SMIM7: variants seen among roughly 807,000 people sequenced by gnomAD.
The protein encoded by SMIM7 is small integral membrane protein 7, also known as UPF0608 protein C19orf42.
In SMIM7, 12 loss-of-function variants were observed where a neutral mutation model predicts 13.3. The ratio of observed to expected loss-of-function variants is 0.90; its 90% confidence interval spans 0.58 to 1.46. The LOEUF (loss-of-function observed/expected upper bound fraction) is 1.46, where lower values mean the gene tolerates loss of function less well. Ranked by LOEUF, SMIM7 falls within the 40% of genes most tolerant of loss-of-function variation. SMIM7 has a pLI of 0.00. For missense variants in SMIM7, 114 were observed against 94.8 expected (o/e 1.20, Z -0.84); for synonymous variants, 36 against 35.8 (o/e 1.01, Z -0.02).
At chr19:16,654,167 C>G in intron 3 of SMIM7, 42 bp from the exon 4 acceptor site, 2 of 1,534,370 alleles carry the variant, frequency 1.3e-6, no homozygotes, top group Non-Finnish European at 1.8e-6. Context: ...AGCTAACATC[C>G]CATCCCTACT....
Position 16,647,180 on chromosome 19 carries a change from A to G in SMIM7, c.*66T>C. 1 of 1,601,504 alleles carries G rather than the reference A, an allele frequency of 6.2e-7. No homozygotes were observed. Among genetic ancestry groups the G allele is most frequent in the Non-Finnish European group, 8.6e-7 (1 of 1,169,090 alleles). On this transcript the variant is annotated 3_prime_UTR_variant, in exon 5 of 5. Coordinates refer to ENST00000487416, the MANE Select transcript of SMIM7 (RefSeq NM_024104.4). ...TCTGGTCAAAAACATTCTTGAAGTC[A>G]TCAGGAATGGAGGAATGGAGACTCG...
downstream of SMIM7, chr19:16,645,638 T>G (rs1328948007): frequency 6.7e-6 from 1 of 150,188 alleles, no homozygotes; most frequent in Non-Finnish European, 1.5e-5. Context: ...GCAGCTCCAG[T>G]CAAAATTCCA....
At position 16,647,461 on chromosome 19, in the gene SMIM7, CT is replaced by C. The variant is rs879901540; in HGVS notation, c.213-201del. Among the ~76,000 whole-genome samples, 407 of 142,102 alleles carry C rather than the reference CT, an allele frequency of 2.9e-3. 2 individuals carry two copies. Among genetic ancestry groups the C allele is most frequent in the Middle Eastern group, 7.2e-3 (2 of 276 alleles). 93.2% of individuals were successfully genotyped at this position (142,102 alleles called of 152,430 possible). A position where few individuals can be genotyped will look rare whatever the true frequency, so the allele number is the denominator to read the frequency against. ...TACACAGTTAAAAGAAGAATATACT[CT>C]TTTTTTTTTTTTAGACAGAGTCTGG... On this transcript the variant is annotated intron_variant, in intron 4 of 4. Coordinates refer to ENST00000487416, the MANE Select transcript of SMIM7 (RefSeq NM_024104.4).
chr19:16,659,394 C>T lies in SMIM7; in HGVS notation c.121+1G>A, dbSNP rs1319077271. 6.2e-7 allele frequency: 1 copy of T among 1,613,772 alleles called. No homozygotes were observed. The highest frequency in any genetic ancestry group is 1.7e-5 in the Admixed American group (1 of 59,978). On this transcript the variant is annotated splice_donor_variant, in intron 3 of 4. Coordinates refer to ENST00000487416, the MANE Select transcript of SMIM7 (RefSeq NM_024104.4). LOFTEE classifies it high-confidence loss of function. ...AATTCCAGGATCCAATTAGACCTTA[C>T]CTGTGCTGGGCTCCCTGGACTCCTC... is the stretch of plus-strand genomic sequence containing the variant.
At chr19:16,640,910 G>A (rs1356156746), downstream of SMIM7, 1 of 152,084 alleles carries the variant, frequency 6.6e-6, no homozygotes, top group Admixed American at 6.6e-5. Flanking sequence ...TCCAGCCTGG[G>A]TGACAGAGTC....
intron 3 of SMIM7, chr19:16,659,128 C>G: frequency 3.9e-6 from 2 of 515,412 alleles, no homozygotes; most frequent in East Asian, 3.5e-5. Flanking sequence ...ACAAAAAATA[C>G]AAAATTTAGC....
At chr19:16,642,077 G>A (rs1387083819), downstream of SMIM7, among the ~76,000 whole-genome samples, 1 of 152,176 alleles carries the variant, frequency 6.6e-6, no homozygotes, top group Non-Finnish European at 1.5e-5. Flanking sequence ...CACTCCCAGG[G>A]TAGGTGCTGT....
Position 16,660,119 on chromosome 19 carries a change from C to A in SMIM7, c.-9G>T, listed in dbSNP as rs1219654538. 6.2e-7 allele frequency: 1 copy of A among 1,614,134 alleles called. No individual in the cohort carries two copies. The highest frequency in any genetic ancestry group is 1.1e-5 in the South Asian group (1 of 91,074). On this transcript the variant is annotated 5_prime_UTR_variant, in exon 1 of 5. Transcript: ENST00000487416. ...AGGATGTCTCCGATCATCGTTACGG[C>A]CGAAGCGTCCGTCAGAACCGGAAGC...
downstream of SMIM7, among the ~76,000 whole-genome samples, chr19:16,643,127 GA>G (rs889229689): frequency 1.9e-4 from 28 of 150,856 alleles, no homozygotes; most frequent in African/African-American, 6.3e-4. Flanking sequence ...TCTAAAAAAA[GA>G]AAAAAAAAGT....
At chr19:16,648,720 G>C (rs112509188) in intron 4 of SMIM7, among the ~76,000 whole-genome samples, 1 of 152,066 alleles carries the variant, frequency 6.6e-6, no homozygotes, top group Non-Finnish European at 1.5e-5. Context: ...CAAAACCTTC[G>C]AACTGGCTGT....
chr19:16,633,164 T>G (rs2086333975), intron 4 of SMIM7, among the ~76,000 whole-genome samples: 1 of 151,988 alleles, frequency 6.6e-6, no homozygotes, highest in Non-Finnish European at 1.5e-5. Flanking sequence ...CATGTAGAAA[T>G]TCACCAAGCT....
intron 3 of SMIM7, among the ~76,000 whole-genome samples, 193 bp from the exon 4 acceptor site, chr19:16,654,318 T>G (rs1052055075): frequency 1.3e-5 from 2 of 151,872 alleles, no homozygotes; most frequent in African/African-American, 4.8e-5. Flanking sequence ...ACCAATCCCC[T>G]GAAAGCACCA....
chr19:16,649,343 C>T (rs2086489755), intron 4 of SMIM7, among the ~76,000 whole-genome samples: 1 of 151,862 alleles, frequency 6.6e-6, no homozygotes. Flanking sequence ...TTTGGGAGGC[C>T]GATGTGGGTG....
At chr19:16,645,881 C>T (rs999029999), downstream of SMIM7, 1 of 151,926 alleles carries the variant, frequency 6.6e-6, no homozygotes, top group Non-Finnish European at 1.5e-5. Context: ...AGGCTAGTTT[C>T]GAACTCCTGA....
At chr19:16,653,133 G>A (rs1012507120) in intron 4 of SMIM7, among the ~76,000 whole-genome samples, 2 of 152,202 alleles carry the variant, frequency 1.3e-5, no homozygotes, top group Admixed American at 1.3e-4. Context: ...ATGGGCTCAG[G>A]GACGGCATCT....
intron 4 of SMIM7, among the ~76,000 whole-genome samples, chr19:16,648,191 A>G (rs1031032446): frequency 5.9e-5 from 9 of 152,106 alleles, no homozygotes; most frequent in African/African-American, 2.2e-4. Context: ...CTCAGGGTGG[A>G]GTGCCGTGGG....
rs779249724 is a variant in SMIM7 at position 16,654,101 on chromosome 19, A to C, written c.146T>G (p.Leu49Arg). The C allele has an allele frequency of 4.3e-6, 7 of 1,614,042 alleles. No individual in the cohort carries two copies. The highest frequency in any genetic ancestry group is 2.2e-5 in the East Asian group (1 of 44,900). ...GAAGATTCGAAAGTATCTGAGGCTC[A>C]GCAAGAATTCCCGGATGTTGTCACC... ...STGDNIREFL[L>R]SLRYFRIFIA... Residue 49 changes from leucine to arginine, a missense_variant, in exon 4 of 5, where the codon CTG becomes CGG. Leu to Arg is a moderately radical substitution (Grantham distance 102). Transcript: ENST00000487416.
chr19:16,650,210 AC>A (rs1244930581), intron 4 of SMIM7, among the ~76,000 whole-genome samples: 2 of 152,190 alleles, frequency 1.3e-5, no homozygotes, highest in African/African-American at 4.8e-5. Context: ...GTTGAAACAC[AC>A]TGCCACCACC....
At position 16,659,110 on chromosome 19, in the gene SMIM7, C is replaced by T. The variant is rs532491840; in HGVS notation, c.121+285G>A. On this transcript the variant is annotated intron_variant, in intron 3 of 4. Transcript: ENST00000487416. Reference sequence around the variant, plus strand: ...CCGGCCTGGGCAACGTGGAGAAACCCCATCTCTACAAAAAATACAAAATTT... The same window carrying T: ...CCGGCCTGGGCAACGTGGAGAAACCTCATCTCTACAAAAAATACAAAATTT... 1.2e-3 allele frequency: 560 copies of T among 467,874 alleles called. 1 individual carries two copies. The highest frequency in any genetic ancestry group is 2.0e-3 in the Non-Finnish European group (515 of 255,642). 29.0% of individuals were successfully genotyped at this position (467,874 alleles called of 1,614,324 possible). A position where few individuals can be genotyped will look rare whatever the true frequency, so the allele number is the denominator to read the frequency against.
Sources: allele counts gnomAD v4.1 joint callset (sites outside exome capture counted in the v4.1 genomes callset), GRCh38; gene constraint gnomAD v4.1.1; transcripts MANE v1.5; gene names NCBI Gene and HGNC (gene_info 2026-07-23, HGNC 2026-07-21).